The following MID1 variants were observed in gnomAD, a reference collection of about 807,000 sequenced individuals.
MID1 encodes the protein midline 1, also known as E3 ubiquitin-protein ligase Midline-1.
Under a neutral mutation model 40.4 loss-of-function variants are expected in MID1, and 7 were observed. The ratio of observed to expected loss-of-function variants is 0.17; its 90% CI spans 0.10 to 0.33. The LOEUF (loss-of-function observed/expected upper bound fraction) is 0.33. Among genes scored for constraint, MID1 ranks in the 10% least tolerant of loss-of-function variants. MID1 has a pLI of 1.00. For missense variants in MID1, 367 were observed against 558.5 expected (o/e 0.66, Z 3.46); for synonymous variants, 229 against 221.2 (o/e 1.04, Z -0.31).
intron 1 of MID1, among the ~76,000 whole-genome samples, chrX:10,595,767 C>T (rs1935399694): frequency 9.0e-6 from 1 of 110,768 alleles, no homozygotes; most frequent in Non-Finnish European, 1.9e-5. Context: ...GTGACTACAG[C>T]AAATAACAAT....
intron 1 of MID1, among the ~76,000 whole-genome samples, chrX:10,770,545 T>A (rs1353999273): frequency 2.7e-5 from 3 of 111,694 alleles, no homozygotes; most frequent in African/African-American, 9.8e-5. Flanking sequence ...AGTTTATCTA[T>A]TCATTGGAAG....
rs187030405 is a variant in MID1, at chrX:10,586,289, G to A, written c.-56-18686C>T. 9.8e-5 allele frequency among the ~76,000 whole-genome samples: 11 copies of A among 111,714 alleles called. No homozygotes were observed. The East Asian group carries it at 1.7e-3, about 17-fold the overall frequency. ...AAATTTTAAGGAAAATGAGTCCTGC[G>A]ATGAGTTTCCTCATGTTTCGGCCGT... On this transcript the variant is annotated intron_variant, in intron 1 of 9. Coordinates refer to ENST00000317552, the MANE Select transcript of MID1 (RefSeq NM_000381.4).
chrX:10,738,501 G>A (rs1365654449), intron 1 of MID1, among the ~76,000 whole-genome samples: 2 of 112,088 alleles, frequency 1.8e-5, no homozygotes, highest in Non-Finnish European at 3.8e-5. Flanking sequence ...TAGGCAGCCT[G>A]TGGGCATTTC....
chrX:10,529,237 AT>A (rs1427978439), intron 2 of MID1, among the ~76,000 whole-genome samples: 1 of 112,669 alleles, frequency 8.9e-6, no homozygotes, highest in African/African-American at 3.2e-5. Flanking sequence ...TTAATAAAAT[AT>A]TTAAACCACC....
Position 10,469,834 on chromosome X carries a change from T to C in MID1, c.1148A>G (p.Asn383Ser). Residue 383 changes from asparagine (N) to serine (S), a missense_variant, in exon 7 of 10, where the codon AAC becomes AGC. This residue lies in a region of MID1 where 275 missense variants were observed against 383.1 expected (regional missense o/e 0.72). Coordinates refer to ENST00000317552, the MANE Select transcript of MID1 (RefSeq NM_000381.4). ...GAGCTCTTCTCTAATTGTGGGAGGG[T>C]TGGGAGCTGTGGGGGTCAAGAATGC... is the stretch of plus-strand genomic sequence containing the variant. ...LECLDYLTAP[N>S]PPTIREELCT... is the part of the protein sequence containing the mutation. 1 of 1,209,925 alleles carries C rather than the reference T, an allele frequency of 8.3e-7. No individual in the cohort carries two copies. Among genetic ancestry groups the C allele is most frequent in the South Asian group, 1.8e-5 (1 of 56,842 alleles).
At chrX:10,495,179 TATAA>T in intron 4 of MID1, among the ~76,000 whole-genome samples, 1 of 112,109 alleles carries the variant, frequency 8.9e-6, no homozygotes, top group Admixed American at 9.5e-5. Context: ...TCATAATTTC[TATAA>T]ATAAAGTCAG....
At chrX:10,494,802 A>G (rs1160461137) in intron 4 of MID1, among the ~76,000 whole-genome samples, 1 of 109,585 alleles carries the variant, frequency 9.1e-6, no homozygotes, top group East Asian at 2.8e-4. Context: ...AGAAGAAGAA[A>G]AAAGAAAGAA....
In MID1 at chrX:10,567,116, C is replaced by A; in HGVS notation, c.432G>T (p.Glu144Asp). The change falls in exon 2 of 10, where the codon GAG (glutamate) becomes GAT (aspartate). Residue 144 changes from glutamate (E) to aspartate (D), a missense_variant. Glu to Asp is a conservative substitution (Grantham distance 45). Around this residue, in one of 3 missense-constraint regions of MID1, gnomAD observed 14 missense variants for 62.8 expected, o/e 0.22. Transcript: ENST00000317552. ...CVTCEVSYCD[E>D]CLKATHPNKK... Reference sequence around the variant, plus strand: ...TATTCGGGTGAGTGGCTTTCAGGCACTCGTCACAGTAGGATACTTCACAAG... The same window carrying A: ...TATTCGGGTGAGTGGCTTTCAGGCAATCGTCACAGTAGGATACTTCACAAG... The A allele has an allele frequency of 8.3e-7, 1 of 1,211,652 alleles. No homozygotes were observed. Among genetic ancestry groups the A allele is most frequent in the Non-Finnish European group, 1.1e-6 (1 of 895,482 alleles).
At chrX:10,826,574 C>T in intron 1 of MID1, among the ~76,000 whole-genome samples, 2 of 112,261 alleles carry the variant, frequency 1.8e-5, no homozygotes, top group Non-Finnish European at 3.8e-5. Flanking sequence ...CCATTTCCTA[C>T]CCCTGAAAAC....
intron 5 of MID1, among the ~76,000 whole-genome samples, chrX:10,477,289 G>T (rs987462298): frequency 4.5e-5 from 5 of 111,952 alleles, no homozygotes. Flanking sequence ...CTGGTTCCAT[G>T]GTCTACAAAC....
In MID1 at chrX:10,484,553, C is replaced by T. The variant is rs929942694; in HGVS notation, c.865-1925G>A. Among the ~76,000 whole-genome samples the T allele has an allele frequency of 8.0e-5, 9 of 111,828 alleles. No homozygotes were observed. In the East Asian group the frequency reaches 8.4e-4, roughly 10 times the overall value. Reference sequence around the variant, plus strand: ...AAATGAGAGTCGCCTGTGAAAATATCGGAATGTTCTACAGAGAACAATTTT... The same window carrying T: ...AAATGAGAGTCGCCTGTGAAAATATTGGAATGTTCTACAGAGAACAATTTT... On this transcript the variant is annotated intron_variant, in intron 4 of 9. Coordinates refer to ENST00000317552, the MANE Select transcript of MID1 (RefSeq NM_000381.4).
At chrX:10,772,850 T>C (rs962127689) in intron 1 of MID1, among the ~76,000 whole-genome samples, 3 of 110,375 alleles carry the variant, frequency 2.7e-5, no homozygotes, top group Non-Finnish European at 5.7e-5. Context: ...AGGTGAGATA[T>C]GTTGAATGAT....
chrX:10,593,485 T>C (rs1415621799), intron 1 of MID1, among the ~76,000 whole-genome samples: 2 of 111,128 alleles, frequency 1.8e-5, no homozygotes, highest in Admixed American at 9.6e-5. Context: ...AGTTACCAAA[T>C]AATGACACCA....
intron 1 of MID1, among the ~76,000 whole-genome samples, chrX:10,703,193 A>G (rs1420873241): frequency 1.8e-5 from 2 of 112,384 alleles, no homozygotes; most frequent in African/African-American, 6.5e-5. Flanking sequence ...GTGTGCCAAG[A>G]TTCAAGAAGA....
chrX:10,534,153 C>T, intron 2 of MID1, among the ~76,000 whole-genome samples: 1 of 111,378 alleles, frequency 9.0e-6, no homozygotes, highest in Non-Finnish European at 1.9e-5. Context: ...TTACTTCCTC[C>T]ATCACTCAGG....
chrX:10,716,699 C>A (rs753581327), intron 1 of MID1, among the ~76,000 whole-genome samples: 12,349 of 109,816 alleles, frequency 0.11, 1,269 homozygotes, highest in African/African-American at 0.32. Context: ...GAGAATGCCA[C>A]AAAGATACTC....
At chrX:10,591,529 G>A (rs1172006586) in intron 1 of MID1, among the ~76,000 whole-genome samples, 1 of 112,181 alleles carries the variant, frequency 8.9e-6, no homozygotes, top group Non-Finnish European at 1.9e-5. Context: ...CTCCAGGGGT[G>A]CTGGGCAAAG....
At chrX:10,565,004 A>T (rs1428140605) in intron 2 of MID1, among the ~76,000 whole-genome samples, 2 of 1,131 alleles carry the variant, frequency 1.8e-3, no homozygotes, top group Non-Finnish European at 5.7e-3. Flanking sequence ...AAAAGGGGTA[A>T]AAAAAAAAAA....
chrX:10,706,302 G>A (rs1017968483), intron 1 of MID1, among the ~76,000 whole-genome samples: 1 of 110,914 alleles, frequency 9.0e-6, no homozygotes, highest in Admixed American at 9.6e-5. Context: ...GAAATCTAGG[G>A]TCTCTTGTAA....
Sources: gnomAD v4.1 joint callset for allele counts (sites outside exome capture counted in the v4.1 genomes callset) on GRCh38, gnomAD v4.1.1 for gene constraint, gnomAD v4.1.1 regional missense constraint, MANE v1.5 for transcripts, NCBI Gene and HGNC (gene_info 2026-07-23, HGNC 2026-07-21) for gene names.